Variants in ST6GALNAC3 observed in about 807,000 individuals in gnomAD.
ST6GALNAC3 encodes ST6 N-acetylgalactosaminide alpha-2,6-sialyltransferase 3.
ST6GALNAC3 carries 25 observed loss-of-function variants against 32.7 expected under a neutral mutation model. The observed-to-expected ratio is 0.76, with a 90% CI of 0.56 to 1.07. The LOEUF (loss-of-function observed/expected upper bound fraction) is 1.07, where lower values mean the gene tolerates loss of function less well. Ranked by LOEUF, ST6GALNAC3 falls within the 50% of genes least tolerant of loss-of-function variation. ST6GALNAC3 has a pLI of 0.00. For missense variants in ST6GALNAC3, 355 were observed against 382.4 expected (o/e 0.93, Z 0.60); for synonymous variants, 129 against 133.1 (o/e 0.97, Z 0.21).
At chr1:76,627,708 G>C in intron 4 of ST6GALNAC3, 149 bp downstream of exon 4, 1 of 712,132 alleles carries the variant, frequency 1.4e-6, no homozygotes, top group Non-Finnish European at 2.4e-6. Flanking sequence ...TTTATTGTCA[G>C]TGCGTCAAGT....
At chr1:76,622,397 A>G (rs1648706321) in intron 3 of ST6GALNAC3, among the ~76,000 whole-genome samples, 1 of 151,994 alleles carries the variant, frequency 6.6e-6, no homozygotes, top group Non-Finnish European at 1.5e-5. Context: ...AGAAGGAAGT[A>G]CGATGCTTGG....
intron 2 of ST6GALNAC3, among the ~76,000 whole-genome samples, chr1:76,345,007 G>A (rs560563299): frequency 2.0e-4 from 30 of 152,084 alleles, no homozygotes; most frequent in African/African-American, 6.8e-4. Flanking sequence ...ACCTGTCTTC[G>A]CAGACCCTCA....
intron 3 of ST6GALNAC3, among the ~76,000 whole-genome samples, chr1:76,558,489 A>G (rs1665056554): frequency 6.6e-6 from 1 of 152,212 alleles, no homozygotes; most frequent in Non-Finnish European, 1.5e-5. Context: ...TAACTCAGGA[A>G]CAGAAAATCA....
At chr1:76,180,533 T>C (rs1445928706) in intron 1 of ST6GALNAC3, among the ~76,000 whole-genome samples, 2 of 152,110 alleles carry the variant, frequency 1.3e-5, no homozygotes, top group Non-Finnish European at 2.9e-5. Context: ...ATGCACAAAA[T>C]GTTGCCTTTT....
intron 1 of ST6GALNAC3, among the ~76,000 whole-genome samples, chr1:76,153,615 T>C (rs1214773703): frequency 6.6e-6 from 1 of 152,220 alleles, no homozygotes; most frequent in Admixed American, 6.5e-5. Context: ...GACTTACTCC[T>C]TACTCCCTCA....
chr1:76,294,724 A>G (rs917211095), intron 1 of ST6GALNAC3, among the ~76,000 whole-genome samples: 5 of 152,106 alleles, frequency 3.3e-5, no homozygotes, highest in Non-Finnish European at 1.5e-5. Context: ...TTGAAGGTCA[A>G]GTTCAACCCA....
intron 1 of ST6GALNAC3, among the ~76,000 whole-genome samples, chr1:76,258,912 C>T (rs1183842002): frequency 1.3e-5 from 2 of 152,140 alleles, no homozygotes; most frequent in African/African-American, 4.8e-5. Context: ...TGACTGTCAA[C>T]ATTTACATTG....
chr1:76,078,845 A>C (rs1646851930), intron 1 of ST6GALNAC3, among the ~76,000 whole-genome samples: 1 of 151,864 alleles, frequency 6.6e-6, no homozygotes, highest in Non-Finnish European at 1.5e-5. Flanking sequence ...CAGTGGCGTG[A>C]TCTTGGTTCG....
intron 1 of ST6GALNAC3, among the ~76,000 whole-genome samples, chr1:76,112,644 G>A (rs1648120507): frequency 6.7e-6 from 1 of 148,628 alleles, no homozygotes; most frequent in Admixed American, 6.6e-5. Context: ...GGGCGGAGGG[G>A]CTCCTCACTT....
chr1:76,581,682 G>T (rs1036979570), intron 3 of ST6GALNAC3, among the ~76,000 whole-genome samples: 2 of 151,954 alleles, frequency 1.3e-5, no homozygotes, highest in Admixed American at 1.3e-4. Context: ...CTTGAACATT[G>T]GCAATTTCAT....
At chr1:76,489,890 C>T (rs1370609985) in intron 3 of ST6GALNAC3, among the ~76,000 whole-genome samples, 11 of 152,126 alleles carry the variant, frequency 7.2e-5, no homozygotes, top group Admixed American at 7.2e-4. Flanking sequence ...GCTTTTATGT[C>T]CTCTTCAGAG....
In ST6GALNAC3 at chr1:76,629,046, A is replaced by G; in HGVS notation, c.*240A>G. On this transcript the variant is annotated 3_prime_UTR_variant, in exon 5 of 5. Coordinates refer to ENST00000328299, the MANE Select transcript of ST6GALNAC3 (RefSeq NM_152996.4). ...TTCAACACTACGTACCGCACTTTATAATTTAACTGGAATTGAGATGAAGGC... is the reference window on the plus strand; with the variant it reads ...TTCAACACTACGTACCGCACTTTATGATTTAACTGGAATTGAGATGAAGGC... 8.0e-7 allele frequency: 1 copy of G among 1,254,654 alleles called. No homozygotes were observed. The highest frequency in any genetic ancestry group is 1.0e-6 in the Non-Finnish European group (1 of 1,000,724). The allele number at this position is 1,254,654 out of a possible 1,614,324, so 77.7% of individuals were successfully genotyped here. A position where few individuals can be genotyped will look rare whatever the true frequency, so the allele number is the denominator to read the frequency against.
At chr1:76,547,178 A>G (rs1004520719) in intron 3 of ST6GALNAC3, among the ~76,000 whole-genome samples, 1 of 152,252 alleles carries the variant, frequency 6.6e-6, no homozygotes, top group African/African-American at 2.4e-5. Flanking sequence ...GCAGGTGCTT[A>G]GTAAATACTA....
At chr1:76,354,373 T>C (rs1649267867) in intron 2 of ST6GALNAC3, 3 of 152,238 alleles carry the variant, frequency 2.0e-5, no homozygotes. Context: ...AGCGCTATCA[T>C]GTCAGTTCCG....
At chr1:76,198,664 G>A (rs945298622) in intron 1 of ST6GALNAC3, among the ~76,000 whole-genome samples, 45 of 150,564 alleles carry the variant, frequency 3.0e-4, no homozygotes, top group Admixed American at 1.7e-3. Context: ...TGGTCCTGAA[G>A]AAGATAGTGG....
chr1:76,556,226 A>T (rs1570254095), intron 3 of ST6GALNAC3, among the ~76,000 whole-genome samples: 1 of 152,146 alleles, frequency 6.6e-6, no homozygotes, highest in Non-Finnish European at 1.5e-5. Flanking sequence ...TTTATGGCTG[A>T]ATAATATTTT....
At chr1:76,104,410 CCCTT>C (rs1190121535) in intron 1 of ST6GALNAC3, among the ~76,000 whole-genome samples, 1 of 152,130 alleles carries the variant, frequency 6.6e-6, no homozygotes, top group African/African-American at 2.4e-5. Flanking sequence ...TCTCTATTCT[CCCTT>C]CCTGCTAGGA....
At chr1:76,520,994 T>C (rs1662495778) in intron 3 of ST6GALNAC3, among the ~76,000 whole-genome samples, 1 of 152,098 alleles carries the variant, frequency 6.6e-6, no homozygotes, top group Non-Finnish European at 1.5e-5. Context: ...ATGCCTTTGG[T>C]TTTTCTTTCT....
intron 3 of ST6GALNAC3, among the ~76,000 whole-genome samples, chr1:76,590,982 A>G (rs985330728): frequency 6.6e-5 from 10 of 152,216 alleles, no homozygotes; most frequent in Non-Finnish European, 1.0e-4. Context: ...TGGAAAAAGA[A>G]ATAGAAATTA....
Sources: allele counts gnomAD v4.1 joint callset (sites outside exome capture counted in the v4.1 genomes callset), GRCh38; gene constraint gnomAD v4.1.1; transcripts MANE v1.5; gene names NCBI Gene and HGNC (gene_info 2026-07-23, HGNC 2026-07-21).